The following LRRTM4 variants were observed in gnomAD, a reference collection of about 807,000 sequenced individuals.
LRRTM4 encodes the protein leucine rich repeat transmembrane neuronal 4.
Under a neutral mutation model 47.6 loss-of-function variants are expected in LRRTM4, and 25 were observed. The ratio of observed to expected loss-of-function variants is 0.53; its 90% CI spans 0.38 to 0.73. LRRTM4 has a LOEUF of 0.73. LRRTM4 is among the 30% of genes least tolerant of loss of function. LRRTM4 has a pLI of 0.00. For synonymous variants in LRRTM4, 311 were observed against 269.5 expected (o/e 1.15, Z -1.51); for missense variants, 638 against 713.4 (o/e 0.89, Z 1.20).
intron 3 of LRRTM4, among the ~76,000 whole-genome samples, chr2:77,363,700 G>T (rs1448804817): frequency 6.6e-6 from 1 of 152,072 alleles, no homozygotes; most frequent in Non-Finnish European, 1.5e-5. Flanking sequence ...TTATCATGAA[G>T]TCCTTGATAA....
intron 3 of LRRTM4, among the ~76,000 whole-genome samples, chr2:77,508,905 T>C (rs1237074866): frequency 1.3e-5 from 2 of 152,096 alleles, no homozygotes; most frequent in South Asian, 2.1e-4. Context: ...CCACTTGTGA[T>C]GTGTGATGCA....
chr2:77,126,878 T>C (rs1393416795), intron 3 of LRRTM4, among the ~76,000 whole-genome samples: 1 of 152,170 alleles, frequency 6.6e-6, no homozygotes, highest in Non-Finnish European at 1.5e-5. Flanking sequence ...TCAAAGATAT[T>C]TACCCACCAT....
chr2:77,243,855 G>C (rs1370877671), intron 3 of LRRTM4, among the ~76,000 whole-genome samples: 1 of 140,802 alleles, frequency 7.1e-6, no homozygotes, highest in Non-Finnish European at 1.5e-5. Context: ...GTGCCATGCT[G>C]CTGCGCTGCA....
At chr2:77,039,617 G>A (rs1022800021) in intron 3 of LRRTM4, among the ~76,000 whole-genome samples, 8 of 151,028 alleles carry the variant, frequency 5.3e-5, no homozygotes, top group Non-Finnish European at 1.2e-4. Flanking sequence ...ATTTTACAAT[G>A]ATGAAAAAAG....
chr2:76,781,717 C>T (rs1194423615), intron 3 of LRRTM4, among the ~76,000 whole-genome samples: 4 of 151,836 alleles, frequency 2.6e-5, no homozygotes, highest in Admixed American at 6.5e-5. Context: ...CCGTCCTCTG[C>T]GTCGCTCACG....
intron 3 of LRRTM4, among the ~76,000 whole-genome samples, chr2:77,095,761 C>T (rs1450142237): frequency 6.6e-6 from 1 of 152,122 alleles, no homozygotes; most frequent in Non-Finnish European, 1.5e-5. Context: ...GATCCACCCG[C>T]CTTGGCCTCC....
At chr2:77,113,939 T>C (rs1386112687) in intron 3 of LRRTM4, among the ~76,000 whole-genome samples, 1 of 152,090 alleles carries the variant, frequency 6.6e-6, no homozygotes, top group African/African-American at 2.4e-5. Context: ...AAGCTGCAAG[T>C]AGCGGCTCTT....
At chr2:77,233,873 G>A (rs982911646) in intron 3 of LRRTM4, among the ~76,000 whole-genome samples, 6 of 152,008 alleles carry the variant, frequency 3.9e-5, no homozygotes, top group Non-Finnish European at 7.4e-5. Flanking sequence ...TGCAACCTCC[G>A]CGTCCACCCC....
intron 3 of LRRTM4, among the ~76,000 whole-genome samples, chr2:76,972,698 G>A (rs747586316): frequency 2.0e-5 from 3 of 151,960 alleles, no homozygotes; most frequent in Non-Finnish European, 4.4e-5. Context: ...GGGATTACAG[G>A]TATGATCCAC....
At chr2:77,433,414 A>C (rs1217209391) in intron 3 of LRRTM4, among the ~76,000 whole-genome samples, 1 of 152,268 alleles carries the variant, frequency 6.6e-6, no homozygotes, top group African/African-American at 2.4e-5. Context: ...TAACCATAAC[A>C]CTTTAAAATC....
At chr2:77,512,438 A>G (rs1390518713) in intron 3 of LRRTM4, among the ~76,000 whole-genome samples, 2 of 152,106 alleles carry the variant, frequency 1.3e-5, no homozygotes, top group African/African-American at 4.8e-5. Flanking sequence ...TCAATGAATG[A>G]TGGTTCTTCT....
chr2:77,205,069 T>C (rs1325331174), intron 3 of LRRTM4, among the ~76,000 whole-genome samples: 1 of 152,220 alleles, frequency 6.6e-6, no homozygotes, highest in African/African-American at 2.4e-5. Context: ...TGATTACTTA[T>C]CCGTTGGAAG....
chr2:76,904,397 C>T (rs761992648), intron 3 of LRRTM4, among the ~76,000 whole-genome samples: 10 of 152,184 alleles, frequency 6.6e-5, no homozygotes, highest in Admixed American at 1.3e-4. Context: ...GAAATCCTTC[C>T]GACTTGCTGG....
intron 3 of LRRTM4, among the ~76,000 whole-genome samples, chr2:76,925,976 G>T (rs144389079): frequency 6.6e-6 from 1 of 152,218 alleles, no homozygotes; most frequent in Non-Finnish European, 1.5e-5. Flanking sequence ...TATTCAGCTT[G>T]TAAGTTCTTT....
intron 3 of LRRTM4, among the ~76,000 whole-genome samples, chr2:77,318,297 C>T (rs902698271): frequency 2.0e-5 from 3 of 152,130 alleles, no homozygotes; most frequent in Admixed American, 6.5e-5. Flanking sequence ...TGAGCCACCG[C>T]GCCCGGCCCC....
chr2:76,845,320 G>A (rs568794871), intron 3 of LRRTM4, among the ~76,000 whole-genome samples: 3 of 152,160 alleles, frequency 2.0e-5, no homozygotes, highest in South Asian at 2.1e-4. Context: ...GTGAAACCCC[G>A]TCTCTACTAA....
intron 3 of LRRTM4, among the ~76,000 whole-genome samples, chr2:77,145,254 G>GTA (rs34296253): frequency 0.24 from 35,625 of 149,424 alleles, 4,408 homozygotes; most frequent in Middle Eastern, 0.32. Context: ...ATCTATATGT[G>GTA]TATATATATA....
chr2:76,889,951 C>A (rs1299295826), intron 3 of LRRTM4, among the ~76,000 whole-genome samples: 1 of 151,812 alleles, frequency 6.6e-6, no homozygotes, highest in Non-Finnish European at 1.5e-5. Context: ...ACACTCTGTT[C>A]TGTGACCTAG....
chr2:76,933,312 G>C (rs1320917983), intron 3 of LRRTM4, among the ~76,000 whole-genome samples: 1 of 151,976 alleles, frequency 6.6e-6, no homozygotes, highest in Non-Finnish European at 1.5e-5. Flanking sequence ...GGTATAACTT[G>C]CCAATCACTA....
Sources: allele counts gnomAD v4.1 joint callset (sites outside exome capture counted in the v4.1 genomes callset), GRCh38; gene constraint gnomAD v4.1.1; transcripts MANE v1.5; gene names NCBI Gene and HGNC (gene_info 2026-07-23, HGNC 2026-07-21).